The following MANBA variants were observed in gnomAD, a reference collection of about 807,000 sequenced individuals.
The protein encoded by MANBA is beta-mannosidase.
In MANBA, 83 loss-of-function variants were observed where a neutral mutation model predicts 111.1. The observed-to-expected ratio is 0.75, with a 90% CI of 0.63 to 0.90. MANBA has a LOEUF of 0.90. MANBA is among the 40% of genes least tolerant of loss of function. MANBA has a pLI of 0.00. For synonymous variants in MANBA, 370 were observed against 378.7 expected (o/e 0.98, Z 0.27); for missense variants, 1,036 against 1,069.0 (o/e 0.97, Z 0.43).
At chr4:102,668,913 A>G (rs184874347) in intron 10 of MANBA, 50 bp downstream of exon 10, 1 of 1,445,940 alleles carries the variant, frequency 6.9e-7, no homozygotes, top group East Asian at 2.3e-5. Context: ...AAAAGGCAAT[A>G]CTAAAACATA....
At position 102,669,860 on chromosome 4, in the gene MANBA, G is replaced by T. The variant is rs577785638; in HGVS notation, c.1231-811C>A. ...CCGGGCAAGGTGGTGAGCGCCTGTG[G>T]TCCCAGCTACTCGGGAGGCTGAGGC... On this transcript the variant is annotated intron_variant, in intron 9 of 16. Transcript: ENST00000647097. 3.9e-5 allele frequency among the ~76,000 whole-genome samples: 6 copies of T among 152,052 alleles called. No homozygotes were observed. In the South Asian group the frequency reaches 1.2e-3, roughly 32 times the overall value.
At chr4:102,722,840 A>G in intron 4 of MANBA, 31 bp downstream of exon 4, 1 of 1,608,828 alleles carries the variant, frequency 6.2e-7, no homozygotes, top group Non-Finnish European at 8.5e-7. Flanking sequence ...GTCCTCAAAA[A>G]TAAAACCCGA....
At chr4:102,704,775 C>G (rs969076321) in intron 5 of MANBA, among the ~76,000 whole-genome samples, 2 of 151,926 alleles carry the variant, frequency 1.3e-5, no homozygotes, top group African/African-American at 4.8e-5. Flanking sequence ...AGGTAGAACT[C>G]TTTTAATGCT....
chr4:102,759,159 A>C (rs1433709936), intron 1 of MANBA, among the ~76,000 whole-genome samples: 1 of 140,658 alleles, frequency 7.1e-6, no homozygotes, highest in African/African-American at 2.7e-5. Flanking sequence ...TTTTAGAGAT[A>C]GAATCTCTCT....
intron 12 of MANBA, among the ~76,000 whole-genome samples, chr4:102,656,766 A>G (rs1038881732): frequency 6.6e-6 from 1 of 152,238 alleles, no homozygotes; most frequent in Non-Finnish European, 1.5e-5. Flanking sequence ...AAAGGAACAT[A>G]CTAATACATG....
Position 102,650,607 on chromosome 4 carries a change from C to A in MANBA, c.1799G>T (p.Gly600Val), listed in dbSNP as rs771405372. The stretch of plus-strand genomic sequence containing the variant: ...GCTTTGGGGGAGTTTGAAATGAAGT[C>A]CAGCCTGATAAAGCATTTGTTTGTT... Reference protein sequence around the residue: ...GGNKQMLYQAGLHFKLPQSTD... With the variant: ...GGNKQMLYQAVLHFKLPQSTD... The change falls in exon 13 of 17, where the codon GGA becomes GTA. Residue 600 changes from glycine to valine, a missense_variant. Coordinates refer to ENST00000647097, the MANE Select transcript of MANBA (RefSeq NM_005908.4). 1.9e-5 allele frequency: 30 copies of A among 1,613,372 alleles called. No individual in the cohort carries two copies. Among genetic ancestry groups the A allele is most frequent in the Non-Finnish European group, 2.5e-5 (29 of 1,179,424 alleles).
intron 5 of MANBA, among the ~76,000 whole-genome samples, chr4:102,698,315 ACT>A (rs1306264773): frequency 6.6e-6 from 1 of 151,150 alleles, no homozygotes; most frequent in Non-Finnish European, 1.5e-5. Context: ...TTGCCTGTTC[ACT>A]CTGATGGTAG....
chr4:102,701,183 C>A (rs1330115347), intron 5 of MANBA, among the ~76,000 whole-genome samples: 1 of 151,408 alleles, frequency 6.6e-6, no homozygotes, highest in East Asian at 1.9e-4. Context: ...GATTGCAACC[C>A]CTGCCTTTTT....
At chr4:102,664,270 C>T (rs1452442775) in intron 11 of MANBA, among the ~76,000 whole-genome samples, 3 of 152,114 alleles carry the variant, frequency 2.0e-5, no homozygotes, top group African/African-American at 7.2e-5. Flanking sequence ...TGTATTCAAA[C>T]GATACTGTTG....
At chr4:102,717,828 C>G (rs538086636) in intron 4 of MANBA, among the ~76,000 whole-genome samples, 1 of 152,296 alleles carries the variant, frequency 6.6e-6, no homozygotes, top group African/African-American at 2.4e-5. Context: ...ATGGGCCAGA[C>G]AGAGCTAAGA....
At chr4:102,755,553 A>G (rs1044561285) in intron 1 of MANBA, among the ~76,000 whole-genome samples, 2 of 152,252 alleles carry the variant, frequency 1.3e-5, no homozygotes, top group Non-Finnish European at 2.9e-5. Context: ...TTCAGGACAT[A>G]GGCATGGGCA....
chr4:102,714,359 C>T, intron 5 of MANBA, 79 bp downstream of exon 5: 2 of 1,325,562 alleles, frequency 1.5e-6, no homozygotes, highest in South Asian at 1.2e-5. Context: ...GAAAAACATA[C>T]CTCTGTATTT....
At chr4:102,679,252 G>A (rs887586761) in intron 7 of MANBA, among the ~76,000 whole-genome samples, 2 of 151,972 alleles carry the variant, frequency 1.3e-5, no homozygotes, top group Admixed American at 6.6e-5. Flanking sequence ...CATCGGCACA[G>A]TTATGCATCC....
intron 11 of MANBA, among the ~76,000 whole-genome samples, chr4:102,661,864 T>C (rs1730972685): frequency 1.3e-5 from 2 of 152,330 alleles, no homozygotes; most frequent in South Asian, 4.1e-4. Context: ...AAAGAAAGCA[T>C]GTGCAGCAGG....
intron 3 of MANBA, 88 bp downstream of exon 3, chr4:102,723,774 A>T: frequency 1.4e-6 from 1 of 735,804 alleles, no homozygotes; most frequent in East Asian, 2.7e-5. Flanking sequence ...TCACATGGCC[A>T]ATTATGCATT....
Position 102,668,042 on chromosome 4 carries a change from G to A in MANBA, c.1317+921C>T, listed in dbSNP as rs1731303653. ...AAGTTGGTTTCTAAACTGTATTTTG[G>A]GAGTACATCATAATTCAGAATTTTC... On this transcript the variant is annotated intron_variant, in intron 10 of 16. Transcript: ENST00000647097. 3 of 152,102 alleles carry A rather than the reference G, an allele frequency of 2.0e-5. No individual in the cohort carries two copies. The South Asian group carries it at 6.2e-4, about 32-fold the overall frequency. The allele number at this position is 152,102 out of a possible 1,614,324, so 9.4% of individuals were successfully genotyped here. A position where few individuals can be genotyped will look rare whatever the true frequency, so the allele number is the denominator to read the frequency against.
chr4:102,689,477 G>C, intron 7 of MANBA, 97 bp downstream of exon 7: 1 of 760,498 alleles, frequency 1.3e-6, no homozygotes, highest in Non-Finnish European at 2.2e-6. Flanking sequence ...GGGGACACAA[G>C]AGTTTTGACG....
chr4:102,706,835 T>G (rs1381844721), intron 5 of MANBA, among the ~76,000 whole-genome samples: 1 of 152,086 alleles, frequency 6.6e-6, no homozygotes, highest in East Asian at 1.9e-4. Flanking sequence ...AGAAAGAATT[T>G]CAGAACTTGA....
chr4:102,729,309 C>A, intron 1 of MANBA: 1 of 754,288 alleles, frequency 1.3e-6, no homozygotes. Flanking sequence ...GCATCTGCAG[C>A]TCCTCATCCT....
Sources: gnomAD v4.1 joint callset for allele counts (sites outside exome capture counted in the v4.1 genomes callset) on GRCh38, gnomAD v4.1.1 for gene constraint, MANE v1.5 for transcripts, NCBI Gene and HGNC (gene_info 2026-07-23, HGNC 2026-07-21) for gene names.